Variants in HCN1 observed in about 807,000 individuals in gnomAD.
The protein encoded by HCN1 is hyperpolarization activated cyclic nucleotide gated potassium channel 1.
A neutral mutation model predicts 78.9 loss-of-function variants in HCN1; 13 were observed. That is an observed-to-expected ratio of 0.16 (90% CI 0.11 to 0.26). The LOEUF (loss-of-function observed/expected upper bound fraction) is 0.26. Ranked by LOEUF, HCN1 falls within the 10% of genes least tolerant of loss-of-function variation. The probability of loss-of-function intolerance (pLI) is 1.00; values close to 1 mark genes in which losing one functional copy is unlikely to be tolerated. For synonymous variants in HCN1, 552 were observed against 455.5 expected (o/e 1.21, Z -2.70); for missense variants, 810 against 1,154.3 (o/e 0.70, Z 4.32).
chr5:45,683,079 T>A (rs1739735271), intron 1 of HCN1, among the ~76,000 whole-genome samples: 1 of 152,088 alleles, frequency 6.6e-6, no homozygotes, highest in South Asian at 2.1e-4. Flanking sequence ...AATTCACTAA[T>A]ATTTTTCTAG....
At chr5:45,410,063 A>G (rs189326208) in intron 3 of HCN1, among the ~76,000 whole-genome samples, 1 of 152,156 alleles carries the variant, frequency 6.6e-6, no homozygotes, top group East Asian at 1.9e-4. Flanking sequence ...TATTTGCATA[A>G]TCATAATACT....
At chr5:45,525,974 T>G (rs73752454) in intron 2 of HCN1, among the ~76,000 whole-genome samples, 3,798 of 152,038 alleles carry the variant, frequency 0.025, 155 homozygotes, top group African/African-American at 0.086. Context: ...TTCTAGCCCC[T>G]TCTCTTTCCA....
intron 3 of HCN1, among the ~76,000 whole-genome samples, chr5:45,416,528 G>A (rs1740123273): frequency 1.3e-5 from 2 of 151,918 alleles, no homozygotes; most frequent in Admixed American, 6.6e-5. Context: ...GACATTGAAA[G>A]TAAAAAGTGT....
intron 2 of HCN1, among the ~76,000 whole-genome samples, chr5:45,639,418 T>G (rs954615413): frequency 2.6e-5 from 4 of 152,222 alleles, no homozygotes; most frequent in Non-Finnish European, 5.9e-5. Flanking sequence ...AACTTCCATA[T>G]GCTTCATTTC....
intron 1 of HCN1, among the ~76,000 whole-genome samples, chr5:45,646,927 C>A (rs1205449017): frequency 1.3e-5 from 2 of 152,004 alleles, no homozygotes; most frequent in African/African-American, 4.8e-5. Context: ...TGTCTGTTTA[C>A]CAAGATATTT....
intron 3 of HCN1, among the ~76,000 whole-genome samples, chr5:45,459,715 G>A (rs1741105804): frequency 6.6e-6 from 1 of 151,880 alleles, no homozygotes; most frequent in Admixed American, 6.6e-5. Context: ...ATGACAATTG[G>A]TATTTTTCTG....
At chr5:45,690,427 ACTT>A (rs1224929666) in intron 1 of HCN1, among the ~76,000 whole-genome samples, 3 of 151,978 alleles carry the variant, frequency 2.0e-5, no homozygotes, top group Non-Finnish European at 4.4e-5. Flanking sequence ...AAAATAATCA[ACTT>A]CTATATATAT....
intron 3 of HCN1, among the ~76,000 whole-genome samples, chr5:45,402,817 T>C (rs1008806572): frequency 2.1e-5 from 2 of 96,742 alleles, no homozygotes; most frequent in Non-Finnish European, 2.1e-5. Flanking sequence ...TCTTTCCTCC[T>C]TCCTTCCTTC....
At chr5:45,276,253 AT>A in intron 6 of HCN1, among the ~76,000 whole-genome samples, 1 of 152,032 alleles carries the variant, frequency 6.6e-6, no homozygotes, top group East Asian at 1.9e-4. Context: ...TAAAATCAAC[AT>A]TTAAACATGC....
intron 2 of HCN1, among the ~76,000 whole-genome samples, chr5:45,572,565 GC>G (rs1384979862): frequency 6.6e-6 from 1 of 152,132 alleles, no homozygotes; most frequent in African/African-American, 2.4e-5. Context: ...TTGCATTTTA[GC>G]CTGGTCTATA....
intron 4 of HCN1, among the ~76,000 whole-genome samples, chr5:45,392,562 C>T (rs1453545415): frequency 6.6e-6 from 1 of 152,020 alleles, no homozygotes; most frequent in Non-Finnish European, 1.5e-5. Context: ...ATAGGCCAGG[C>T]ACGGTGGCTC....
chr5:45,560,539 A>G (rs1221953543), intron 2 of HCN1, among the ~76,000 whole-genome samples: 1 of 151,996 alleles, frequency 6.6e-6, no homozygotes, highest in Non-Finnish European at 1.5e-5. Flanking sequence ...GAGACCCTAA[A>G]TATTTTAAAA....
chr5:45,585,522 A>G (rs1050023165), intron 2 of HCN1, among the ~76,000 whole-genome samples: 2 of 151,762 alleles, frequency 1.3e-5, no homozygotes, highest in Non-Finnish European at 2.9e-5. Flanking sequence ...CCTTCTCTCA[A>G]CTTATCAAAG....
In HCN1 at chr5:45,695,952, C is replaced by A. The variant is rs866992298; in HGVS notation, c.142G>T (p.Ala48Ser). 7.5e-7 allele frequency: 1 copy of A among 1,332,476 alleles called. No individual in the cohort carries two copies. Among genetic ancestry groups the A allele is most frequent in the Non-Finnish European group, 9.5e-7 (1 of 1,050,182 alleles). 82.5% of individuals were successfully genotyped at this position (1,332,476 alleles called of 1,614,324 possible). A position where few individuals can be genotyped will look rare whatever the true frequency, so the allele number is the denominator to read the frequency against. ...GAGTTGCCGTGCTCCTTCGCGCCGG[C>A]CCCGCCGCCCCCCGGCGGGGTGCCC... ...RLGTPPGGGG[A>S]GAKEHGNSVC... The change falls in exon 1 of 8, where the codon GCC becomes TCC. Residue 48 changes from alanine (A) to serine (S), a missense_variant. Around this residue, in one of 6 missense-constraint regions of HCN1, gnomAD observed 170 missense variants for 166.8 expected, o/e 1.02. Coordinates refer to ENST00000303230, the MANE Select transcript of HCN1 (RefSeq NM_021072.4).
chr5:45,599,521 T>C (rs527344600), intron 2 of HCN1, among the ~76,000 whole-genome samples: 2 of 152,164 alleles, frequency 1.3e-5, no homozygotes, highest in Admixed American at 1.3e-4. Flanking sequence ...ACATGTACCC[T>C]AGAACTTAAA....
chr5:45,506,503 T>G (rs1042706407), intron 2 of HCN1, among the ~76,000 whole-genome samples: 4 of 152,144 alleles, frequency 2.6e-5, no homozygotes, highest in African/African-American at 9.7e-5. Flanking sequence ...TTCTAGGATT[T>G]TTTAATTTAA....
rs1739955125 is a variant in HCN1, at chr5:45,407,820, A to AT, written c.1012-11111dup. ...CCACCATGCCCGGCCCAGAAGAGGC[A>AT]TTTTTATCATAGGAGTTGACAACAT... On this transcript the variant is annotated intron_variant, in intron 3 of 7. Coordinates refer to ENST00000303230, the MANE Select transcript of HCN1 (RefSeq NM_021072.4). Among the ~76,000 whole-genome samples, 2 of 152,108 alleles carry AT rather than the reference A, an allele frequency of 1.3e-5. 1 individual carries two copies. Among genetic ancestry groups the AT allele is most frequent in the Admixed American group, 1.3e-4 (2 of 15,256 alleles).
intron 1 of HCN1, among the ~76,000 whole-genome samples, chr5:45,660,002 T>G (rs1745892292): frequency 7.1e-6 from 1 of 140,696 alleles, no homozygotes; most frequent in Non-Finnish European, 1.5e-5. Flanking sequence ...CACATAATTG[T>G]CAGATTCACC....
chr5:45,393,249 T>G (rs1341554889), intron 4 of HCN1, among the ~76,000 whole-genome samples: 1 of 152,212 alleles, frequency 6.6e-6, no homozygotes, highest in Non-Finnish European at 1.5e-5. Context: ...ATGATTTATA[T>G]TGTGCCAAAA....
Sources: allele counts gnomAD v4.1 joint callset (sites outside exome capture counted in the v4.1 genomes callset), GRCh38; gene constraint gnomAD v4.1.1; regional missense constraint gnomAD v4.1.1; transcripts MANE v1.5; gene names NCBI Gene and HGNC (gene_info 2026-07-23, HGNC 2026-07-21).